SH3TC1: variants seen among roughly 807,000 people sequenced by gnomAD.
SH3TC1 encodes SH3 domain and tetratricopeptide repeats 1.
SH3TC1 carries 135 observed loss-of-function variants against 117.3 expected under a neutral mutation model. That is an observed-to-expected ratio of 1.15 (90% confidence interval 1.00 to 1.33). The LOEUF is 1.33. Ranked by LOEUF, SH3TC1 falls within the 40% of genes most tolerant of loss-of-function variation. SH3TC1 has a pLI of 0.00. For synonymous variants in SH3TC1, 898 were observed against 816.9 expected, an observed-to-expected ratio of 1.10 and a Z score of -1.69; for missense variants, 2,092 against 1,794.3, an observed-to-expected ratio of 1.17 and a Z score of -3.00.
chr4:8,182,572 G>A (rs1267424535), intron 1 of SH3TC1, among the ~76,000 whole-genome samples: 1 of 152,176 alleles, frequency 6.6e-6, no homozygotes, highest in Non-Finnish European at 1.5e-5. Flanking sequence ...GGTGCCAAGA[G>A]GCTGTGGCCA....
intron 1 of SH3TC1, among the ~76,000 whole-genome samples, chr4:8,191,662 G>C (rs1439375032): frequency 6.6e-6 from 1 of 152,190 alleles, no homozygotes; most frequent in Non-Finnish European, 1.5e-5. Flanking sequence ...TGCCGGCCCG[G>C]ATACACCCGT....
In SH3TC1 at chr4:8,225,192, G is replaced by T. The variant is rs1228980505; in HGVS notation, c.1261G>T (p.Glu421Ter). 1 of 1,613,726 alleles carries T rather than the reference G, an allele frequency of 6.2e-7. No individual in the cohort carries two copies. Among genetic ancestry groups the T allele is most frequent in the Non-Finnish European group, 8.5e-7 (1 of 1,179,956 alleles). The change falls in exon 11 of 18, where the codon GAG becomes TAG. Residue 421 changes from glutamate to a stop codon, truncating the protein, a stop_gained. Transcript: ENST00000245105. LOFTEE classifies it high-confidence loss of function. This position sits in a 1 kb window ranked among gnomAD's most constrained non-coding sequence, Gnocchi z 5.5. Reference protein sequence around the residue: ...VYSLDSVEEAETEQPQEKEIP... With the variant: ...VYSLDSVEEA ...CTTGCCAGACTCAGTAGAGGAAGCT[G>T]AGACCGAGCAGCCGCAGGAAAAAGG... is the stretch of plus-strand genomic sequence containing the variant.
At chr4:8,185,455 A>G (rs1717192327) in intron 1 of SH3TC1, among the ~76,000 whole-genome samples, 1 of 152,178 alleles carries the variant, frequency 6.6e-6, no homozygotes. Context: ...TTCAGCACCG[A>G]GAACTCCCCT....
At chr4:8,202,020 C>T (rs910045583) in intron 1 of SH3TC1, among the ~76,000 whole-genome samples, 5 of 152,228 alleles carry the variant, frequency 3.3e-5, no homozygotes, top group Admixed American at 6.5e-5. Flanking sequence ...ACCCCTTAAA[C>T]CAGGGAGCTC....
chr4:8,211,865 C>T (rs1021446601), intron 3 of SH3TC1, among the ~76,000 whole-genome samples: 5 of 152,082 alleles, frequency 3.3e-5, no homozygotes, highest in South Asian at 2.1e-4. Context: ...CGGAAGATTC[C>T]GCTGGATGGT....
At chr4:8,214,660 C>A in intron 5 of SH3TC1, 80 bp downstream of exon 5, 1 of 1,064,076 alleles carries the variant, frequency 9.4e-7, no homozygotes, top group Non-Finnish European at 1.4e-6. Flanking sequence ...ACTTAGATTA[C>A]AAACTGGTGC....
chr4:8,239,467 C>T (rs1722136840), intron 17 of SH3TC1, among the ~76,000 whole-genome samples: 1 of 150,494 alleles, frequency 6.6e-6, no homozygotes, highest in Non-Finnish European at 1.5e-5. Context: ...TGCACACAGG[C>T]ATATGCACAC....
At chr4:8,218,022 G>A (rs1004659481) in intron 7 of SH3TC1, among the ~76,000 whole-genome samples, 11 of 152,200 alleles carry the variant, frequency 7.2e-5, no homozygotes, top group African/African-American at 2.2e-4. Flanking sequence ...GGGTGGCGGT[G>A]TTTCCAGGAC....
chr4:8,239,930 C>T (rs1213180526), intron 17 of SH3TC1, among the ~76,000 whole-genome samples: 2 of 152,264 alleles, frequency 1.3e-5, no homozygotes, highest in Non-Finnish European at 2.9e-5. Flanking sequence ...CTTCTCGCAC[C>T]CCTGCCCTGT....
chr4:8,217,030 C>T lies in SH3TC1; in HGVS notation c.702C>T (p.Pro234=), dbSNP rs779602559. Residue 234 remains proline (P), a synonymous_variant, in exon 7 of 18, where the codon CCC becomes CCT. Coordinates refer to ENST00000245105, the MANE Select transcript of SH3TC1 (RefSeq NM_018986.5). ...MTGPRDAGNG[P]QALRQASGAP... is the part of the protein sequence containing the mutation. ...GTCCCCGGGATGCAGGAAATGGCCCCCAGGCCCTCAGGCAGGCTTCGGGGG... is the reference window on the plus strand; with the variant it reads ...GTCCCCGGGATGCAGGAAATGGCCCTCAGGCCCTCAGGCAGGCTTCGGGGG... 22 of 1,613,664 alleles carry T rather than the reference C, an allele frequency of 1.4e-5. No individual in the cohort carries two copies. Among genetic ancestry groups the T allele is most frequent in the Non-Finnish European group, 1.8e-5 (21 of 1,179,870 alleles).
chr4:8,222,806 T>C (rs766714110), intron 9 of SH3TC1, 34 bp from the exon 10 acceptor site: 1 of 1,597,344 alleles, frequency 6.3e-7, no homozygotes, highest in Admixed American at 1.7e-5. Flanking sequence ...TTTGCAAATA[T>C]GTTGTTTTGA....
Position 8,210,695 on chromosome 4 carries a change from A to G in SH3TC1, c.247+873A>G, listed in dbSNP as rs550650203. 1.5e-5 allele frequency among the ~76,000 whole-genome samples: 2 copies of G among 136,206 alleles called. No individual in the cohort carries two copies. The highest frequency in any genetic ancestry group is 4.9e-4 in the East Asian group (2 of 4,078). The allele number at this position is 136,206 out of a possible 152,430, so 89.4% of individuals were successfully genotyped here. A position where few individuals can be genotyped will look rare whatever the true frequency, so the allele number is the denominator to read the frequency against. ...GAAGAATCACTTGAACCCAGGAGGC[A>G]GAGGTAGTGAGCCGAGATTGCGCCA... On this transcript the variant is annotated intron_variant, in intron 3 of 17. Coordinates refer to ENST00000245105, the MANE Select transcript of SH3TC1 (RefSeq NM_018986.5). The surrounding 1 kb of genome is among the most constrained non-coding windows in gnomAD (Gnocchi z 4.1).
chr4:8,209,851 T>G lies in SH3TC1; in HGVS notation c.247+29T>G. On this transcript the variant is annotated intron_variant, in intron 3 of 17. Coordinates refer to ENST00000245105, the MANE Select transcript of SH3TC1 (RefSeq NM_018986.5). The surrounding 1 kb of genome is among the most constrained non-coding windows in gnomAD (Gnocchi z 5.9). The stretch of plus-strand genomic sequence containing the variant: ...AACATCCTGGGCCCTACACAGGGCT[T>G]CAGGTTCAAATCCGGGCTGTGCCGC... 6 of 1,607,434 alleles carry G rather than the reference T, an allele frequency of 3.7e-6. No individual in the cohort carries two copies. Among genetic ancestry groups the G allele is most frequent in the Non-Finnish European group, 5.1e-6 (6 of 1,176,826 alleles).
chr4:8,239,211 G>GGCACATGCAAAT (rs1188645534), intron 17 of SH3TC1, among the ~76,000 whole-genome samples: 1 of 149,200 alleles, frequency 6.7e-6, no homozygotes, highest in Non-Finnish European at 1.5e-5. Context: ...ACGCACTACA[G>GGCACATGCAAAT]GCACATGCAA....
At chr4:8,215,897 G>C (rs557700800) in intron 5 of SH3TC1, among the ~76,000 whole-genome samples, 20 of 152,018 alleles carry the variant, frequency 1.3e-4, no homozygotes, top group Non-Finnish European at 2.6e-4. Flanking sequence ...CTGGTGGGTG[G>C]TGGAGCTGGG....
chr4:8,217,692 C>A (rs1303683439), intron 7 of SH3TC1, among the ~76,000 whole-genome samples: 1 of 152,242 alleles, frequency 6.6e-6, no homozygotes, highest in Non-Finnish European at 1.5e-5. Context: ...TCTCTCATTA[C>A]TGAGACCCAA....
At chr4:8,212,207 C>T (rs920075819) in intron 3 of SH3TC1, among the ~76,000 whole-genome samples, 24 of 151,960 alleles carry the variant, frequency 1.6e-4, no homozygotes, top group African/African-American at 5.1e-4. Flanking sequence ...GTGCTTGTGG[C>T]GTGTTTGCTG....
chr4:8,191,014 C>T (rs1434627732), intron 1 of SH3TC1, among the ~76,000 whole-genome samples: 3 of 150,092 alleles, frequency 2.0e-5, no homozygotes, highest in Non-Finnish European at 3.0e-5. Context: ...TGAGGACTGG[C>T]GGGAGCTGCA....
At position 8,210,083 on chromosome 4, in the gene SH3TC1, G is replaced by A. The variant is rs1036909763; in HGVS notation, c.247+261G>A. On this transcript the variant is annotated intron_variant, in intron 3 of 17. Coordinates refer to ENST00000245105, the MANE Select transcript of SH3TC1 (RefSeq NM_018986.5). This position sits in a 1 kb window ranked among gnomAD's most constrained non-coding sequence, Gnocchi z 4.1. ...CGGCAGACACGGTCCTGGGGGCTCC[G>A]TGGGTGACACCCCAGGGAGGGGCTT... Among the ~76,000 whole-genome samples the A allele has an allele frequency of 1.1e-4, 16 of 152,312 alleles. No homozygotes were observed. Among genetic ancestry groups the A allele is most frequent in the Admixed American group, 9.1e-4 (14 of 15,308 alleles).
Sources: gnomAD v4.1 joint callset for allele counts (sites outside exome capture counted in the v4.1 genomes callset) on GRCh38, gnomAD v4.1.1 for gene constraint, Gnocchi (gnomAD v3.1) non-coding constraint, MANE v1.5 for transcripts, NCBI Gene and HGNC (gene_info 2026-07-23, HGNC 2026-07-21) for gene names.